The following APAF1 variants were observed in gnomAD, a reference collection of about 807,000 sequenced individuals.
APAF1 encodes the protein apoptotic protease-activating factor 1.
In APAF1, 91 loss-of-function variants were observed where a neutral mutation model predicts 152.4. The observed-to-expected ratio is 0.60, with a 90% CI of 0.50 to 0.71. The LOEUF (loss-of-function observed/expected upper bound fraction) is 0.71. Among genes scored for constraint, APAF1 ranks in the 30% least tolerant of loss-of-function variants. The pLI, the probability that APAF1 is intolerant of heterozygous loss-of-function variation, is 0.00. For synonymous variants in APAF1, 484 were observed against 494.1 expected (o/e 0.98, Z 0.27); for missense variants, 1,283 against 1,472.0 (o/e 0.87, Z 2.10).
At chr12:98,712,257 G>C (rs895032404) in intron 20 of APAF1, 62 bp from the exon 21 acceptor site, 22 of 904,678 alleles carry the variant, frequency 2.4e-5, no homozygotes, top group Non-Finnish European at 4.1e-5. Flanking sequence ...TGAAGCCTCT[G>C]TTCTGACGAA....
chr12:98,729,034 G>A (rs752715933), intron 26 of APAF1, among the ~76,000 whole-genome samples: 26 of 152,226 alleles, frequency 1.7e-4, no homozygotes, highest in Non-Finnish European at 3.2e-4. Flanking sequence ...TATGGGGGAA[G>A]CAGGTGGTAA....
chr12:98,659,752 GAAA>G (rs34536171), intron 5 of APAF1, among the ~76,000 whole-genome samples: 15 of 89,918 alleles, frequency 1.7e-4, no homozygotes, highest in South Asian at 8.9e-4. Context: ...AACTCCATCA[GAAA>G]AAAAAAAAAA....
chr12:98,664,059 G>T (rs757169069), intron 7 of APAF1, among the ~76,000 whole-genome samples: 1 of 151,154 alleles, frequency 6.6e-6, no homozygotes, highest in African/African-American at 2.4e-5. Flanking sequence ...TCACTCTGTC[G>T]CCCAGGCTGG....
At chr12:98,661,429 G>T (rs1300885081) in intron 5 of APAF1, among the ~76,000 whole-genome samples, 6 of 152,022 alleles carry the variant, frequency 3.9e-5, no homozygotes, top group African/African-American at 1.2e-4. Context: ...TTGTGCTTTT[G>T]TAATTTTTCA....
At chr12:98,672,579 C>T (rs1249185285) in intron 12 of APAF1, among the ~76,000 whole-genome samples, 1 of 151,974 alleles carries the variant, frequency 6.6e-6, no homozygotes, top group Admixed American at 6.6e-5. Flanking sequence ...TTAAAGGAGT[C>T]TCTTTTGCTC....
chr12:98,715,360 C>T, intron 21 of APAF1, 67 bp from the exon 22 acceptor site: 2 of 1,505,962 alleles, frequency 1.3e-6, no homozygotes, highest in Non-Finnish European at 1.8e-6. Context: ...AGTTTAATAT[C>T]TTTGGGGTGT....
At chr12:98,656,797 A>G (rs2097658266) in intron 4 of APAF1, among the ~76,000 whole-genome samples, 1 of 152,240 alleles carries the variant, frequency 6.6e-6, no homozygotes, top group South Asian at 2.1e-4. Context: ...CTTTAGCACC[A>G]GGAAATGGGT....
chr12:98,677,327 A>G, intron 12 of APAF1, 98 bp from the exon 13 acceptor site: 1 of 1,280,896 alleles, frequency 7.8e-7, no homozygotes, highest in Non-Finnish European at 1.1e-6. Flanking sequence ...TTTGGGGAAC[A>G]TAACCATGTT....
rs1305067466 is a variant in APAF1, at chr12:98,671,733, G to A, written c.1793+14G>A. 1.9e-6 allele frequency: 3 copies of A among 1,613,330 alleles called. No individual in the cohort carries two copies. The highest frequency in any genetic ancestry group is 1.7e-5 in the Admixed American group (1 of 60,014). On this transcript the variant is annotated intron_variant, in intron 12 of 26. Transcript: ENST00000551964. ...CCTGGAATGGATGTAAGTAGGTTAGGAGAGAAACCAAAGGGAGTGGTGCGC... is the reference window on the plus strand; with the variant it reads ...CCTGGAATGGATGTAAGTAGGTTAGAAGAGAAACCAAAGGGAGTGGTGCGC...
At chr12:98,673,457 C>CAAA (rs1007721760) in intron 12 of APAF1, among the ~76,000 whole-genome samples, 1 of 137,830 alleles carries the variant, frequency 7.3e-6, no homozygotes, top group Non-Finnish European at 1.6e-5. Context: ...AAAAAAAAAA[C>CAAA]AAAAAAAAAA....
At chr12:98,681,793 TAA>T (rs1244155192) in intron 14 of APAF1, among the ~76,000 whole-genome samples, 1 of 152,138 alleles carries the variant, frequency 6.6e-6, no homozygotes, top group Non-Finnish European at 1.5e-5. Flanking sequence ...AAGGAAATAA[TAA>T]TGAGTTTCTG....
chr12:98,690,685 G>A (rs960650762), intron 16 of APAF1, among the ~76,000 whole-genome samples: 23 of 152,234 alleles, frequency 1.5e-4, no homozygotes, highest in Non-Finnish European at 3.2e-4. Context: ...CTTATTTGCC[G>A]CTGAATTATG....
chr12:98,674,439 G>GTC (rs34546993), intron 12 of APAF1, among the ~76,000 whole-genome samples: 26,701 of 149,252 alleles, frequency 0.18, 2,364 homozygotes, highest in Non-Finnish European at 0.2. Flanking sequence ...TGAAGTGGAG[G>GTC]TCTCTCTCTC....
In APAF1 at chr12:98,708,493, G is replaced by C. The variant is rs1378100500; in HGVS notation, c.2722-92G>C. The C allele has an allele frequency of 3.9e-6, 5 of 1,282,214 alleles. No individual in the cohort carries two copies. In the East Asian group the frequency reaches 1.2e-4, roughly 30 times the overall value. The allele number at this position is 1,282,214 out of a possible 1,614,324, so 79.4% of individuals were successfully genotyped here. On this transcript the variant is annotated intron_variant, in intron 19 of 26. Coordinates refer to ENST00000551964, the MANE Select transcript of APAF1 (RefSeq NM_181861.2). ...TATTGAAACCTTTCTAGCATCATAG[G>C]TATTTTATGTGAAACATAGTTTGTC... is the stretch of plus-strand genomic sequence containing the variant.
chr12:98,688,628 A>G (rs896256644), intron 16 of APAF1, among the ~76,000 whole-genome samples: 1 of 135,670 alleles, frequency 7.4e-6, no homozygotes, highest in African/African-American at 2.8e-5. Flanking sequence ...GTGCCATCAC[A>G]CCTGGCGAAA....
rs2097732545 is a variant in APAF1, at chr12:98,715,056, T to C, written c.2959-371T>C. Among the ~76,000 whole-genome samples the C allele has an allele frequency of 2.7e-5, 4 of 147,922 alleles. No individual in the cohort carries two copies. The South Asian group carries it at 8.4e-4, about 31-fold the overall frequency. On this transcript the variant is annotated intron_variant, in intron 21 of 26. Transcript: ENST00000551964. The stretch of plus-strand genomic sequence containing the variant: ...CAGGACTTACTTACTTTCTTCTCTC[T>C]TATCCATCTTAAATGTCTTTTTTTT...
chr12:98,718,389 C>T (rs903205866), intron 22 of APAF1, among the ~76,000 whole-genome samples: 1 of 152,056 alleles, frequency 6.6e-6, no homozygotes, highest in African/African-American at 2.4e-5. Flanking sequence ...CCTGCCATCA[C>T]ATGCAGCTAA....
intron 16 of APAF1, among the ~76,000 whole-genome samples, chr12:98,693,171 T>C (rs987119614): frequency 1.3e-5 from 2 of 152,254 alleles, no homozygotes; most frequent in Non-Finnish European, 2.9e-5. Flanking sequence ...GGGTATTTTA[T>C]TTTTTTGTGT....
chr12:98,727,028 C>A, intron 25 of APAF1, 145 bp from the exon 26 acceptor site: 1 of 683,810 alleles, frequency 1.5e-6, no homozygotes, highest in Non-Finnish European at 2.4e-6. Flanking sequence ...AAATAAATGG[C>A]AATATTAGTA....
Sources: gnomAD v4.1 joint callset for allele counts (sites outside exome capture counted in the v4.1 genomes callset) on GRCh38, gnomAD v4.1.1 for gene constraint, MANE v1.5 for transcripts, NCBI Gene and HGNC (gene_info 2026-07-23, HGNC 2026-07-21) for gene names.